ATRNL1: variants seen among roughly 807,000 people sequenced by gnomAD.
ATRNL1 encodes attractin like 1.
Under a neutral mutation model 182.7 loss-of-function variants are expected in ATRNL1, and 95 were observed. The ratio of observed to expected loss-of-function variants is 0.52; its 90% CI spans 0.44 to 0.62. ATRNL1 has a LOEUF of 0.62. Among genes scored for constraint, ATRNL1 ranks in the 20% least tolerant of loss-of-function variants. The pLI is 0.00. For synonymous variants in ATRNL1, 576 were observed against 568.3 expected, an observed-to-expected ratio of 1.01 and a Z score of -0.19; for missense variants, 1,471 against 1,679.5, an observed-to-expected ratio of 0.88 and a Z score of 2.17.
At chr10:115,578,514 A>T (rs1555006149) in intron 26 of ATRNL1, among the ~76,000 whole-genome samples, 1 of 151,488 alleles carries the variant, frequency 6.6e-6, no homozygotes, top group Non-Finnish European at 1.5e-5. Flanking sequence ...TTTCCTCTAG[A>T]TTATCCAATT....
rs148545119 is a variant in ATRNL1 at position 115,449,505 on chromosome 10, T to A, written c.3323-12436T>A. On this transcript the variant is annotated intron_variant, in intron 21 of 28. Transcript: ENST00000355044. The stretch of plus-strand genomic sequence containing the variant: ...TGAACAAGAGCTCAGGAGCCATGGG[T>A]ATGGACACTTGAGCTATTTAACACT... Among the ~76,000 whole-genome samples, 472 of 152,280 alleles carry A rather than the reference T, an allele frequency of 3.1e-3. 4 individuals are homozygous for A. Among genetic ancestry groups the A allele is most frequent in the African/African-American group, 0.011 (454 of 41,554 alleles).
At position 115,551,181 on chromosome 10, in the gene ATRNL1, G is replaced by A. The variant is rs184219149; in HGVS notation, c.3795+1645G>A. Among the ~76,000 whole-genome samples, 349 of 151,572 alleles carry A rather than the reference G, an allele frequency of 2.3e-3. 1 individual carries two copies. Among genetic ancestry groups the A allele is most frequent in the Non-Finnish European group, 4.1e-3 (274 of 67,570 alleles). Reference sequence around the variant, plus strand: ...AGTTTAGAAATGATATTTAATATTTGTTAAAACTAATATGAATAGTTTAGC... The same window carrying A: ...AGTTTAGAAATGATATTTAATATTTATTAAAACTAATATGAATAGTTTAGC... On this transcript the variant is annotated intron_variant, in intron 26 of 28. Transcript: ENST00000355044.
At chr10:115,516,168 T>G (rs1277661681) in intron 24 of ATRNL1, among the ~76,000 whole-genome samples, 1 of 151,944 alleles carries the variant, frequency 6.6e-6, no homozygotes, top group Non-Finnish European at 1.5e-5. Context: ...ATTTAACATA[T>G]TCTAAGTAAG....
chr10:115,520,471 T>A (rs575961858), intron 25 of ATRNL1, among the ~76,000 whole-genome samples: 38 of 152,310 alleles, frequency 2.5e-4, no homozygotes, highest in Non-Finnish European at 4.3e-4. Flanking sequence ...AAAGCCAATA[T>A]GGAAACAAAT....
At chr10:115,431,177 C>T (rs888980816) in intron 21 of ATRNL1, among the ~76,000 whole-genome samples, 4 of 152,018 alleles carry the variant, frequency 2.6e-5, no homozygotes, top group African/African-American at 7.2e-5. Flanking sequence ...GAGGCCGAGG[C>T]GGGCGAATCA....
At chr10:115,887,344 T>G (rs1220667106) in intron 28 of ATRNL1, among the ~76,000 whole-genome samples, 1 of 152,208 alleles carries the variant, frequency 6.6e-6, no homozygotes, top group Non-Finnish European at 1.5e-5. Flanking sequence ...AACAAACATT[T>G]ATTACCCTCA....
At chr10:115,816,857 A>G (rs1212986524) in intron 27 of ATRNL1, among the ~76,000 whole-genome samples, 1 of 152,170 alleles carries the variant, frequency 6.6e-6, no homozygotes, top group African/African-American at 2.4e-5. Flanking sequence ...GAAATATTTT[A>G]GCAACAGTTG....
intron 6 of ATRNL1, among the ~76,000 whole-genome samples, chr10:115,163,857 T>C (rs570301766): frequency 6.6e-5 from 10 of 152,290 alleles, no homozygotes; most frequent in African/African-American, 2.4e-4. Context: ...TGTGAATCTG[T>C]GGAAGTTATG....
intron 27 of ATRNL1, among the ~76,000 whole-genome samples, chr10:115,756,124 G>T (rs563622086): frequency 1.3e-5 from 2 of 151,978 alleles, no homozygotes; most frequent in East Asian, 1.9e-4. Flanking sequence ...CCAGCTCCTC[G>T]ATTCATTGAT....
rs1053921724 is a variant in ATRNL1, at chr10:115,935,940, A to T, written c.4019-8718A>T. 2.0e-5 allele frequency among the ~76,000 whole-genome samples: 3 copies of T among 152,188 alleles called. No homozygotes were observed. In the East Asian group the frequency reaches 5.8e-4, roughly 29 times the overall value. On this transcript the variant is annotated intron_variant, in intron 28 of 28. Coordinates refer to ENST00000355044, the MANE Select transcript of ATRNL1 (RefSeq NM_207303.4). ...TCCTCATGGGCAAATTCTCAATTTCATCATCCCAGGCATCACATAAATTCT... is the reference window on the plus strand; with the variant it reads ...TCCTCATGGGCAAATTCTCAATTTCTTCATCCCAGGCATCACATAAATTCT...
At chr10:115,327,428 A>G (rs548425506) in intron 18 of ATRNL1, among the ~76,000 whole-genome samples, 2 of 152,292 alleles carry the variant, frequency 1.3e-5, no homozygotes, top group East Asian at 3.9e-4. Context: ...TTCAAAAGTC[A>G]GGAAACAACA....
intron 27 of ATRNL1, among the ~76,000 whole-genome samples, chr10:115,791,778 T>C (rs1949537806): frequency 6.6e-6 from 1 of 152,176 alleles, no homozygotes; most frequent in African/African-American, 2.4e-5. Context: ...ACTAGATGTT[T>C]AGATTCTTCT....
At chr10:115,868,822 C>CTTGTTTTTTTTT (rs1951500876) in intron 28 of ATRNL1, among the ~76,000 whole-genome samples, 1 of 58,084 alleles carries the variant, frequency 1.7e-5, no homozygotes, top group Non-Finnish European at 3.2e-5. Flanking sequence ...AGTCTTTATT[C>CTTGTTTTTTTTT]TTTTTTTTTT....
chr10:115,646,266 C>T (rs1555032421), intron 26 of ATRNL1, among the ~76,000 whole-genome samples: 2 of 152,028 alleles, frequency 1.3e-5, no homozygotes, highest in African/African-American at 4.8e-5. Flanking sequence ...ACATTTACGT[C>T]CATAAGGTCT....
intron 28 of ATRNL1, among the ~76,000 whole-genome samples, chr10:115,850,606 G>A (rs1465341811): frequency 6.6e-6 from 1 of 152,116 alleles, no homozygotes; most frequent in Non-Finnish European, 1.5e-5. Flanking sequence ...TTCACAGAAA[G>A]TCCTTATATA....
chr10:115,620,637 CA>C (rs1252517462), intron 26 of ATRNL1, among the ~76,000 whole-genome samples: 1 of 152,132 alleles, frequency 6.6e-6, no homozygotes, highest in Non-Finnish European at 1.5e-5. Context: ...AACTAAAAGG[CA>C]TTTGGATAAA....
intron 26 of ATRNL1, among the ~76,000 whole-genome samples, chr10:115,682,996 C>G (rs1946099204): frequency 6.6e-6 from 1 of 151,990 alleles, no homozygotes; most frequent in African/African-American, 2.4e-5. Flanking sequence ...AGTTCATCTT[C>G]TGTAAAAGGG....
chr10:115,531,467 A>C (rs1182327204), intron 25 of ATRNL1, among the ~76,000 whole-genome samples: 3 of 151,720 alleles, frequency 2.0e-5, no homozygotes, highest in Non-Finnish European at 4.4e-5. Context: ...CCACTTTTTG[A>C]TGGGGTTGTT....
At chr10:115,771,834 G>A (rs868960980) in intron 27 of ATRNL1, among the ~76,000 whole-genome samples, 8 of 152,096 alleles carry the variant, frequency 5.3e-5, no homozygotes, top group Admixed American at 2.6e-4. Context: ...TATCTGAAAG[G>A]CTTATTTCTT....
Sources: allele counts gnomAD v4.1 joint callset (sites outside exome capture counted in the v4.1 genomes callset), GRCh38; gene constraint gnomAD v4.1.1; transcripts MANE v1.5; gene names NCBI Gene and HGNC (gene_info 2026-07-23, HGNC 2026-07-21).